MYO1C: variants seen among roughly 807,000 people sequenced by gnomAD.
MYO1C encodes myosin IC.
Under a neutral mutation model 150.8 loss-of-function variants are expected in MYO1C, and 104 were observed. That is an observed-to-expected ratio of 0.69 (90% CI 0.59 to 0.81). The LOEUF is 0.81. MYO1C is among the 30% of genes least tolerant of loss of function. The pLI, the probability that MYO1C is intolerant of heterozygous loss-of-function variation, is 0.00. For synonymous variants in MYO1C, 663 were observed against 579.9 expected (o/e 1.14, Z -2.06); for missense variants, 1,504 against 1,435.0 (o/e 1.05, Z -0.78).
intron 1 of MYO1C, chr17:1,491,668 G>T (rs1412792305): frequency 1.0e-5 from 10 of 980,256 alleles, no homozygotes; most frequent in Non-Finnish European, 1.2e-5. Flanking sequence ...TCCGCGGCCC[G>T]GGCGCACTCT....
intron 1 of MYO1C, chr17:1,486,984 G>A (rs1241931534): frequency 1.3e-5 from 2 of 152,350 alleles, no homozygotes; most frequent in Non-Finnish European, 2.9e-5. Context: ...GCAGGGGCGG[G>A]GACGTCTAGA....
Position 1,484,288 on chromosome 17 carries a change from C to G in MYO1C, c.91G>C (p.Gly31Arg), listed in dbSNP as rs561446989. Residue 31 changes from glycine (G) to arginine (R), a missense_variant, in exon 2 of 32, where the codon GGG (glycine) becomes CGG (arginine). By Grantham distance (125) the Gly-to-Arg change is moderately radical. Transcript: ENST00000648651. ...GCACTCTCCATGGTCACCCGAACCC[C>G]GTCACTGCCCAGGGCCTGCAGAGAA... ...RPCKLALGSDGVRVTMESALT... is the reference protein window; with the variant it reads ...RPCKLALGSDRVRVTMESALT... 1.2e-6 allele frequency: 2 copies of G among 1,610,744 alleles called. No individual in the cohort carries two copies. The highest frequency in any genetic ancestry group is 8.5e-7 in the Non-Finnish European group (1 of 1,179,996).
In MYO1C at chr17:1,482,956, T is replaced by C. The variant is rs754427641; in HGVS notation, c.451A>G (p.Lys151Glu). 1 of 1,612,278 alleles carries C rather than the reference T, an allele frequency of 6.2e-7. No individual in the cohort carries two copies. Among genetic ancestry groups the C allele is most frequent in the Admixed American group, 1.7e-5 (1 of 59,936 alleles). Residue 151 changes from lysine (K) to glutamate (E), a missense_variant, in exon 4 of 32, where the codon AAG (lysine) becomes GAG (glutamate). Physicochemically the swap from Lys to Glu is moderately conservative, Grantham distance 56. Coordinates refer to ENST00000648651, the MANE Select transcript of MYO1C (RefSeq NM_001080779.2). Reference sequence around the variant, plus strand: ...TCTGCATAGAACTGCAGCAGCCTCTTGGTGGCCTCGGTCTTGCCTGCCCCG... The same window carrying C: ...TCTGCATAGAACTGCAGCAGCCTCTCGGTGGCCTCGGTCTTGCCTGCCCCG... ...ESGAGKTEAT[K>E]RLLQFYAETC...
chr17:1,474,032 T>G (rs2074353162), intron 17 of MYO1C, among the ~76,000 whole-genome samples: 1 of 151,890 alleles, frequency 6.6e-6, no homozygotes, highest in Non-Finnish European at 1.5e-5. Context: ...GCTGTCAACA[T>G]ATGGGCACCC....
At chr17:1,490,532 A>C (rs2150971172) in intron 1 of MYO1C, among the ~76,000 whole-genome samples, 1 of 152,002 alleles carries the variant, frequency 6.6e-6, no homozygotes, top group Non-Finnish European at 1.5e-5. Context: ...AACAAACAAA[A>C]ACCTCACCTC....
Position 1,468,029 on chromosome 17 carries a change from TC to T in MYO1C, c.2854del (p.Asp952ThrfsTer13). On this transcript the variant is annotated frameshift_variant, in exon 28 of 32. Coordinates refer to ENST00000648651, the MANE Select transcript of MYO1C (RefSeq NM_001080779.2). LOFTEE classifies it high-confidence loss of function. ...ATCAATCCTCTGCTTGACTTTGGCG[TC>T]CTCCACGATGACGACGGCGTTGGGC... Reference protein sequence around the residue: ...LTPNAVVIVEDAKVKQRIDYA... With the variant: ...LTPNAVVIVEXAKVKQRIDYA... The T allele has an allele frequency of 6.2e-7, 1 of 1,612,514 alleles. No individual in the cohort carries two copies. Among genetic ancestry groups the T allele is most frequent in the Non-Finnish European group, 8.5e-7 (1 of 1,179,744 alleles).
chr17:1,480,454 A>AT lies in MYO1C; in HGVS notation c.906+72dup, dbSNP rs796482518. 4.2e-4 allele frequency: 568 copies of AT among 1,364,206 alleles called. 1 individual carries two copies. The African/African-American group carries it at 5.0e-3, about 12-fold the overall frequency. 84.5% of individuals were successfully genotyped at this position (1,364,206 alleles called of 1,614,324 possible). A position where few individuals can be genotyped will look rare whatever the true frequency, so the allele number is the denominator to read the frequency against. On this transcript the variant is annotated intron_variant, in intron 7 of 31. Coordinates refer to ENST00000648651, the MANE Select transcript of MYO1C (RefSeq NM_001080779.2). ...CAAGAATGAAACTCCGTCTCAAAAA[A>AT]TAAAAAACAAAAAAAAAAGGAGATT...
In MYO1C at chr17:1,465,528, C is replaced by T. The variant is rs1207552644; in HGVS notation, c.*198G>A. 15 of 492,784 alleles carry T rather than the reference C, an allele frequency of 3.0e-5. No individual in the cohort carries two copies. In the South Asian group the frequency reaches 3.9e-4, roughly 13 times the overall value. 30.5% of individuals were successfully genotyped at this position (492,784 alleles called of 1,614,324 possible). A position where few individuals can be genotyped will look rare whatever the true frequency, so the allele number is the denominator to read the frequency against. ...CCCTGGCTTTCCTATTGCTGTGGCC[C>T]GGCCTGGCCCACTCCTGGGGTAGCT... On this transcript the variant is annotated 3_prime_UTR_variant, in exon 32 of 32. Transcript: ENST00000648651.
chr17:1,466,847 G>A (rs1267156309), intron 31 of MYO1C, among the ~76,000 whole-genome samples: 1 of 151,860 alleles, frequency 6.6e-6, no homozygotes, highest in East Asian at 1.9e-4. Flanking sequence ...GGCTGGTCTC[G>A]AACTCCTGAT....
At position 1,467,540 on chromosome 17, in the gene MYO1C, G is replaced by A. The variant is rs767271884; in HGVS notation, c.3005C>T (p.Thr1002Met). 9 of 1,613,576 alleles carry A rather than the reference G, an allele frequency of 5.6e-6. No individual in the cohort carries two copies. Among genetic ancestry groups the A allele is most frequent in the East Asian group, 2.2e-5 (1 of 44,862 alleles). Reference protein sequence around the residue: ...VVLQSDHVIETLTKTALSANR... With the variant: ...VVLQSDHVIEMLTKTALSANR... ...GGCACTGAGGGCTGTCTTGGTCAGC[G>A]TCTCAATCACGTGGTCACTCTGCAG... Residue 1002 changes from threonine (T) to methionine (M), a missense_variant, in exon 30 of 32, where the codon ACG becomes ATG. Transcript: ENST00000648651.
Position 1,482,574 on chromosome 17 carries a change from G to A in MYO1C, c.547-16C>T, listed in dbSNP as rs1232639880. 1 of 1,609,766 alleles carries A rather than the reference G, an allele frequency of 6.2e-7. No homozygotes were observed. On this transcript the variant is annotated splice_polypyrimidine_tract_variant and intron_variant, in intron 4 of 31. Coordinates refer to ENST00000648651, the MANE Select transcript of MYO1C (RefSeq NM_001080779.2). ...TTCCAAAGGCCTAGGAGTGGACAGG[G>A]GTATGAGGGACACCTGGCACTCTCC...
At chr17:1,486,581 T>A (rs2074660654) in intron 1 of MYO1C, among the ~76,000 whole-genome samples, 1 of 151,592 alleles carries the variant, frequency 6.6e-6, no homozygotes, top group Non-Finnish European at 1.5e-5. Flanking sequence ...AGTGGCGCGA[T>A]CTCGGCTCAC....
In MYO1C at chr17:1,478,674, A is replaced by T; in HGVS notation, c.1154T>A (p.Val385Glu). 1.2e-6 allele frequency: 2 copies of T among 1,614,170 alleles called. No individual in the cohort carries two copies. The highest frequency in any genetic ancestry group is 1.7e-6 in the Non-Finnish European group (2 of 1,180,026). The change falls in exon 10 of 32, where the codon GTG becomes GAG. Residue 385 changes from valine to glutamate, a missense_variant. Coordinates refer to ENST00000648651, the MANE Select transcript of MYO1C (RefSeq NM_001080779.2). This position sits in a 1 kb window ranked among gnomAD's most constrained non-coding sequence, Gnocchi z 6.3. ...AYARDALAKAVYSRTFTWLVG... is the reference protein window; with the variant it reads ...AYARDALAKAEYSRTFTWLVG... ...GAGCCAGGTAAAAGTGCGGCTGTACACAGCCTTGGCGAGGGCGTCTCGTGC... is the reference window on the plus strand; with the variant it reads ...GAGCCAGGTAAAAGTGCGGCTGTACTCAGCCTTGGCGAGGGCGTCTCGTGC...
chr17:1,485,766 C>CGGCGGCGGT (rs1037005928), intron 1 of MYO1C: 25 of 1,049,332 alleles, frequency 2.4e-5, no homozygotes, highest in East Asian at 1.4e-4. Flanking sequence ...GTCCCGGGCT[C>CGGCGGCGGT]GGCGGCGGTG....
chr17:1,475,102 C>T, intron 14 of MYO1C, 70 bp from the exon 15 acceptor site: 1 of 1,493,844 alleles, frequency 6.7e-7, no homozygotes. Flanking sequence ...GCTGAAAGGG[C>T]CTCAGGAGCA....
chr17:1,483,905 G>A (rs1192227981), intron 2 of MYO1C, among the ~76,000 whole-genome samples, 180 bp from the exon 3 acceptor site: 1 of 152,134 alleles, frequency 6.6e-6, no homozygotes, highest in African/African-American at 2.4e-5. Flanking sequence ...AGCCGGGCGT[G>A]GTGGCGGGTG....
In MYO1C at chr17:1,482,639, C is replaced by T. The variant is rs2150959755; in HGVS notation, c.547-81G>A. ...CCCCGCCTTGTAGCTACTGCTGCCC[C>T]TCCCCTCCCGCACTGGGCTTCTCTC... On this transcript the variant is annotated intron_variant, in intron 4 of 31. Coordinates refer to ENST00000648651, the MANE Select transcript of MYO1C (RefSeq NM_001080779.2). The T allele has an allele frequency of 4.1e-6, 5 of 1,215,168 alleles. No individual in the cohort carries two copies. The South Asian group carries it at 5.2e-5, about 13-fold the overall frequency. The allele number at this position is 1,215,168 out of a possible 1,614,324, so 75.3% of individuals were successfully genotyped here.
chr17:1,473,538 C>T lies in MYO1C; in HGVS notation c.1797+1072G>A, dbSNP rs574331655. Among the ~76,000 whole-genome samples, 4 of 152,300 alleles carry T rather than the reference C, an allele frequency of 2.6e-5. No individual in the cohort carries two copies. In the South Asian group the frequency reaches 8.3e-4, roughly 32 times the overall value. Reference sequence around the variant, plus strand: ...GGCAGCATGTCGCCTGCATGCCCTCCCTGCCAGGCAGTCTGGCTTCCACCT... The same window carrying T: ...GGCAGCATGTCGCCTGCATGCCCTCTCTGCCAGGCAGTCTGGCTTCCACCT... On this transcript the variant is annotated intron_variant, in intron 17 of 31. Coordinates refer to ENST00000648651, the MANE Select transcript of MYO1C (RefSeq NM_001080779.2).
chr17:1,481,407 G>A (rs770524000), intron 5 of MYO1C, among the ~76,000 whole-genome samples: 28 of 152,118 alleles, frequency 1.8e-4, no homozygotes, highest in Non-Finnish European at 2.9e-4. Context: ...CCTACATGAT[G>A]ACATCAGCCC....
Sources: allele counts gnomAD v4.1 joint callset (sites outside exome capture counted in the v4.1 genomes callset), GRCh38; gene constraint gnomAD v4.1.1; non-coding constraint Gnocchi (gnomAD v3.1); transcripts MANE v1.5; gene names NCBI Gene and HGNC (gene_info 2026-07-23, HGNC 2026-07-21).